The following GADL1 variants were observed in gnomAD, a reference collection of about 807,000 sequenced individuals.
The protein encoded by GADL1 is GAD like acidic amino acid decarboxylase 1.
Under a neutral mutation model 69.5 loss-of-function variants are expected in GADL1, and 71 were observed. That is an observed-to-expected ratio of 1.02 (90% CI 0.84 to 1.25). The LOEUF is 1.25. Among genes scored for constraint, GADL1 ranks in the 50% most tolerant of loss-of-function variants. GADL1 has a pLI of 0.00. For missense variants in GADL1, 737 were observed against 631.8 expected (o/e 1.17, Z -1.79); for synonymous variants, 254 against 214.4 (o/e 1.18, Z -1.62).
At chr3:30,774,895 C>T (rs1163342818) in intron 14 of GADL1, among the ~76,000 whole-genome samples, 4 of 151,774 alleles carry the variant, frequency 2.6e-5, no homozygotes, top group East Asian at 1.9e-4. Context: ...GAAGCAGAGA[C>T]GGAGGTAAAG....
At chr3:30,881,594 C>T (rs917249972) in intron 1 of GADL1, among the ~76,000 whole-genome samples, 1 of 151,836 alleles carries the variant, frequency 6.6e-6, no homozygotes, top group Non-Finnish European at 1.5e-5. Flanking sequence ...AACTCAAGAA[C>T]AGCAATCTGA....
intron 12 of GADL1, chr3:30,798,520 C>A (rs138691584): frequency 6.6e-6 from 1 of 152,132 alleles, no homozygotes; most frequent in African/African-American, 2.4e-5. Context: ...CACTGCGTCC[C>A]GCCCACAACA....
intron 14 of GADL1, among the ~76,000 whole-genome samples, chr3:30,769,499 C>T (rs1696367011): frequency 6.6e-6 from 1 of 152,134 alleles, no homozygotes; most frequent in Admixed American, 6.5e-5. Context: ...GGAAATTCCT[C>T]CTGCTTCCCC....
intron 11 of GADL1, among the ~76,000 whole-genome samples, chr3:30,816,385 T>C (rs1022779070): frequency 2.0e-5 from 3 of 152,104 alleles, no homozygotes; most frequent in African/African-American, 7.2e-5. Flanking sequence ...CTTAATGTGA[T>C]GTTAAAATCC....
chr3:30,782,855 A>G (rs1039784336), intron 13 of GADL1, among the ~76,000 whole-genome samples: 5 of 152,354 alleles, frequency 3.3e-5, no homozygotes, highest in Middle Eastern at 3.4e-3. Flanking sequence ...GTAACATACA[A>G]TGCTACAGAA....
At chr3:30,788,725 A>G (rs922005315) in intron 12 of GADL1, among the ~76,000 whole-genome samples, 1 of 152,154 alleles carries the variant, frequency 6.6e-6, no homozygotes, top group Non-Finnish European at 1.5e-5. Flanking sequence ...GTAATATTCT[A>G]TATCCTTTGT....
intron 1 of GADL1, among the ~76,000 whole-genome samples, chr3:30,885,808 T>C (rs896139104): frequency 6.6e-6 from 1 of 151,994 alleles, no homozygotes; most frequent in Non-Finnish European, 1.5e-5. Flanking sequence ...GATCTCACCA[T>C]GCTGCCCAGG....
At chr3:30,768,536 GAGA>G (rs1043025487) in intron 14 of GADL1, among the ~76,000 whole-genome samples, 29 of 137,410 alleles carry the variant, frequency 2.1e-4, no homozygotes, top group African/African-American at 5.4e-4. Context: ...ATGAAATTTT[GAGA>G]AGGAGAAGAG....
intron 12 of GADL1, among the ~76,000 whole-genome samples, chr3:30,791,333 G>C (rs1442034486): frequency 6.6e-6 from 1 of 152,084 alleles, no homozygotes; most frequent in East Asian, 1.9e-4. Flanking sequence ...AGCCTATGAA[G>C]AAAGCTTTCT....
At chr3:30,830,427 T>C (rs1398341364) in intron 11 of GADL1, among the ~76,000 whole-genome samples, 1 of 152,010 alleles carries the variant, frequency 6.6e-6, no homozygotes, top group Non-Finnish European at 1.5e-5. Context: ...AAGTCAGCCA[T>C]GAACCTTGCA....
Position 30,771,494 on chromosome 3 carries a change from C to A in GADL1, c.1392+6685G>T, listed in dbSNP as rs563329986. The stretch of plus-strand genomic sequence containing the variant: ...CCAGCCACTATCCAAGTAAGGGGAG[C>A]CTCTTAAGTCACATTTAGAGCTATT... On this transcript the variant is annotated intron_variant, in intron 14 of 14. Transcript: ENST00000282538. 3.6e-4 allele frequency among the ~76,000 whole-genome samples: 55 copies of A among 152,226 alleles called. 2 individuals carry two copies. In the South Asian group the frequency reaches 0.011, roughly 30 times the overall value.
rs557849072 is a variant in GADL1 at position 30,759,436 on chromosome 3, TTA to T, written c.1392+18741_1392+18742del. Among the ~76,000 whole-genome samples, 401 of 152,312 alleles carry T rather than the reference TTA, an allele frequency of 2.6e-3. 4 individuals are homozygous for T. The Middle Eastern group carries it at 0.054, about 21-fold the overall frequency. On this transcript the variant is annotated intron_variant, in intron 14 of 14. Coordinates refer to ENST00000282538, the MANE Select transcript of GADL1 (RefSeq NM_207359.3). ...TTATTACAGTAACTCTTAGAAACAT[TTA>T]TCTTTTCCTCAAGTTGAAAGCTTGA...
chr3:30,777,000 T>TC (rs1491481456), intron 14 of GADL1, among the ~76,000 whole-genome samples: 22 of 152,344 alleles, frequency 1.4e-4, no homozygotes, highest in African/African-American at 5.1e-4. Context: ...AGATACCCTT[T>TC]CTCTCTACTT....
intron 1 of GADL1, among the ~76,000 whole-genome samples, chr3:30,894,134 T>G (rs972709421): frequency 2.6e-5 from 4 of 152,178 alleles, no homozygotes; most frequent in African/African-American, 4.8e-5. Flanking sequence ...GGGCATCACC[T>G]ACTCTGAGAT....
chr3:30,735,414 A>C (rs1347214685), intron 14 of GADL1, among the ~76,000 whole-genome samples: 1 of 152,224 alleles, frequency 6.6e-6, no homozygotes, highest in Non-Finnish European at 1.5e-5. Context: ...TACAGAATGG[A>C]TAAACAAAAC....
At chr3:30,873,095 G>A (rs1451451492) in intron 1 of GADL1, among the ~76,000 whole-genome samples, 1 of 151,880 alleles carries the variant, frequency 6.6e-6, no homozygotes, top group Non-Finnish European at 1.5e-5. Context: ...CTGCCAAAAA[G>A]AAATATAATG....
intron 1 of GADL1, among the ~76,000 whole-genome samples, chr3:30,891,663 T>TA (rs1388640958): frequency 6.6e-6 from 1 of 150,862 alleles, no homozygotes; most frequent in Non-Finnish European, 1.5e-5. Context: ...AAAAAAAAAA[T>TA]AAAAAGCAGA....
chr3:30,766,923 TAAGC>T (rs947849036), intron 14 of GADL1, among the ~76,000 whole-genome samples: 14 of 152,200 alleles, frequency 9.2e-5, no homozygotes, highest in African/African-American at 3.1e-4. Context: ...GGTATTTTGT[TAAGC>T]AAACAAAAAG....
intron 4 of GADL1, among the ~76,000 whole-genome samples, chr3:30,853,520 C>A (rs1471879436): frequency 6.6e-6 from 1 of 152,100 alleles, no homozygotes; most frequent in Non-Finnish European, 1.5e-5. Context: ...AGTTCCTATG[C>A]ATTCTTGGAT....
Sources: allele counts gnomAD v4.1 joint callset (sites outside exome capture counted in the v4.1 genomes callset), GRCh38; gene constraint gnomAD v4.1.1; transcripts MANE v1.5; gene names NCBI Gene and HGNC (gene_info 2026-07-23, HGNC 2026-07-21).